Variants in SNCG observed in about 807,000 individuals in gnomAD.
The protein encoded by SNCG is synuclein gamma, also known as gamma-synuclein.
A neutral mutation model predicts 16.0 loss-of-function variants in SNCG; 13 were observed. That is an observed-to-expected ratio of 0.81 (90% confidence interval 0.53 to 1.29). SNCG has a LOEUF of 1.29. Among genes scored for constraint, SNCG ranks in the 50% most tolerant of loss-of-function variants. SNCG has a pLI of 0.00. For missense variants in SNCG, 154 were observed against 168.5 expected, an observed-to-expected ratio of 0.91 and a Z score of 0.48; for synonymous variants, 66 against 66.3, an observed-to-expected ratio of 1.00 and a Z score of 0.02.
intron 3 of SNCG, among the ~76,000 whole-genome samples, chr10:86,961,758 C>T (rs1173807635): frequency 1.3e-5 from 2 of 152,154 alleles, no homozygotes; most frequent in Non-Finnish European, 2.9e-5. Flanking sequence ...CTGCCCTGCC[C>T]CTGGATAGCC....
At chr10:86,957,371 C>T, upstream of SNCG, 1 of 1,612,778 alleles carries the variant, frequency 6.2e-7, no homozygotes, top group Middle Eastern at 1.9e-4. Context: ...GGTCCAGGCC[C>T]TCTTACCGTC....
upstream of SNCG, among the ~76,000 whole-genome samples, chr10:86,956,664 C>T (rs1260038122): frequency 6.6e-6 from 1 of 152,198 alleles, no homozygotes; most frequent in East Asian, 1.9e-4. Flanking sequence ...GTAAGTGGGG[C>T]TGTTGGAGGG....
rs372962355 is a variant in SNCG at position 86,959,517 on chromosome 10, A to G, written c.122-116A>G. 15 of 749,220 alleles carry G rather than the reference A, an allele frequency of 2.0e-5. No individual in the cohort carries two copies. Among genetic ancestry groups the G allele is most frequent in the East Asian group, 9.3e-5 (3 of 32,122 alleles). The allele number at this position is 749,220 out of a possible 1,614,324, so 46.4% of individuals were successfully genotyped here. A position where few individuals can be genotyped will look rare whatever the true frequency, so the allele number is the denominator to read the frequency against. ...CTGAAGGGGCCGCCGGCCCCCAGACACCATCCTTACCCCCCCACCGACCCC... is the reference window on the plus strand; with the variant it reads ...CTGAAGGGGCCGCCGGCCCCCAGACGCCATCCTTACCCCCCCACCGACCCC... On this transcript the variant is annotated intron_variant, in intron 1 of 4. Transcript: ENST00000372017. The surrounding 1 kb of genome is among the most constrained non-coding windows in gnomAD (Gnocchi z 4.3).
rs556786944 is a variant in SNCG at position 86,959,579 on chromosome 10, C to T, written c.122-54C>T. The T allele has an allele frequency of 3.9e-5, 61 of 1,553,852 alleles. 1 individual carries two copies. In the South Asian group the frequency reaches 6.0e-4, roughly 15 times the overall value. On this transcript the variant is annotated intron_variant, in intron 1 of 4. Transcript: ENST00000372017. This position sits in a 1 kb window ranked among gnomAD's most constrained non-coding sequence, Gnocchi z 4.3. Reference sequence around the variant, plus strand: ...AGCTGTTCTGTTGTGTTTGTCCTGACCGCCCCCAACACCTCGAGGGAGGTC... The same window carrying T: ...AGCTGTTCTGTTGTGTTTGTCCTGATCGCCCCCAACACCTCGAGGGAGGTC...
chr10:86,959,797 AC>A lies in SNCG; in HGVS notation c.163+127del. On this transcript the variant is annotated intron_variant, in intron 2 of 4. Transcript: ENST00000372017. This position sits in a 1 kb window ranked among gnomAD's most constrained non-coding sequence, Gnocchi z 4.3. ...CCAACTGGGGTCCCAAGCCCTACAG[AC>A]CCCTGCAGACCATGAGGCTAAACTA... The A allele has an allele frequency of 2.4e-6, 3 of 1,234,668 alleles. No individual in the cohort carries two copies. Among genetic ancestry groups the A allele is most frequent in the Non-Finnish European group, 3.4e-6 (3 of 895,508 alleles). 76.5% of individuals were successfully genotyped at this position (1,234,668 alleles called of 1,614,324 possible).
rs887501056 is a variant in SNCG, at chr10:86,959,532, C to T, written c.122-101C>T. Reference sequence around the variant, plus strand: ...GCCCCCAGACACCATCCTTACCCCCCCACCGACCCCACAGTTTGTCCAGCT... The same window carrying T: ...GCCCCCAGACACCATCCTTACCCCCTCACCGACCCCACAGTTTGTCCAGCT... On this transcript the variant is annotated intron_variant, in intron 1 of 4. Coordinates refer to ENST00000372017, the MANE Select transcript of SNCG (RefSeq NM_003087.3). The surrounding 1 kb of genome is among the most constrained non-coding windows in gnomAD (Gnocchi z 4.3). 2.0e-5 allele frequency: 21 copies of T among 1,050,820 alleles called. No homozygotes were observed. The highest frequency in any genetic ancestry group is 7.6e-5 in the Admixed American group (4 of 52,610). The allele number at this position is 1,050,820 out of a possible 1,614,324, so 65.1% of individuals were successfully genotyped here.
At chr10:86,962,723 G>T (rs1844378038) in intron 4 of SNCG, 48 bp downstream of exon 4, 7 of 1,455,824 alleles carry the variant, frequency 4.8e-6, no homozygotes, top group African/African-American at 1.4e-5. Flanking sequence ...CCTTGGTAGG[G>T]ACCCCATCCC....
At chr10:86,962,842 G>A (rs1844380239) in intron 4 of SNCG, 123 bp from the exon 5 acceptor site, 8 of 1,238,750 alleles carry the variant, frequency 6.5e-6, no homozygotes, top group Non-Finnish European at 9.1e-6. Flanking sequence ...ACCTGAGTGG[G>A]AGGTCCCCCC....
At chr10:86,957,306 G>C, upstream of SNCG, 2 of 1,507,956 alleles carry the variant, frequency 1.3e-6, no homozygotes, top group Admixed American at 1.7e-5. Flanking sequence ...GAGGTCTAGA[G>C]AGGCTCTGCT....
At chr10:86,958,140 G>A, upstream of SNCG, 1 of 985,292 alleles carries the variant, frequency 1.0e-6, no homozygotes, top group Non-Finnish European at 1.2e-6. Context: ...CATCCAGGAT[G>A]CTGGTGGGTA....
intron 4 of SNCG, 132 bp from the exon 5 acceptor site, chr10:86,962,833 C>A: frequency 8.3e-7 from 1 of 1,205,970 alleles, no homozygotes. Context: ...TAACCCTGAA[C>A]CTGAGTGGGA....
chr10:86,958,357 A>G (rs930773025), upstream of SNCG: 34 of 985,258 alleles, frequency 3.5e-5, no homozygotes, highest in African/African-American at 5.2e-4. Flanking sequence ...CAGTAAATGA[A>G]TGAGGGACAG....
chr10:86,957,366 A>G (rs1298248151), upstream of SNCG: 1 of 1,612,502 alleles, frequency 6.2e-7, no homozygotes, highest in South Asian at 1.1e-5. Context: ...GCCAAGGTCC[A>G]GGCCCTCTTA....
At chr10:86,956,143 C>T (rs1223668757), upstream of SNCG, among the ~76,000 whole-genome samples, 3 of 151,326 alleles carry the variant, frequency 2.0e-5, no homozygotes, top group Non-Finnish European at 3.0e-5. Flanking sequence ...GCCCCTCCCC[C>T]GCCCCCTGCT....
chr10:86,957,473 C>T (rs745597708), upstream of SNCG: 3 of 1,613,476 alleles, frequency 1.9e-6, no homozygotes, highest in East Asian at 6.7e-5. Flanking sequence ...TACTGGAAGC[C>T]TGGGCCCATG....
intron 3 of SNCG, among the ~76,000 whole-genome samples, chr10:86,960,781 C>A (rs1844334201): frequency 6.6e-6 from 1 of 152,146 alleles, no homozygotes; most frequent in Non-Finnish European, 1.5e-5. Context: ...TGGGGCGCAC[C>A]CCAGGGACGG....
At chr10:86,958,265 C>T, upstream of SNCG, 1 of 977,356 alleles carries the variant, frequency 1.0e-6, no homozygotes, top group Non-Finnish European at 1.2e-6. Context: ...CTCTCTGTGC[C>T]TGTCTGTCCA....
At chr10:86,957,967 TC>T (rs1844264514), upstream of SNCG, 6 of 1,022,726 alleles carry the variant, frequency 5.9e-6, no homozygotes, top group South Asian at 2.4e-4. Flanking sequence ...AATTCATGCC[TC>T]CTCAGCACCT....
chr10:86,962,693 G>C lies in SNCG; in HGVS notation c.363+18G>C, dbSNP rs781033832. 2 of 1,587,986 alleles carry C rather than the reference G, an allele frequency of 1.3e-6. No individual in the cohort carries two copies. The highest frequency in any genetic ancestry group is 1.7e-6 in the Non-Finnish European group (2 of 1,159,034). On this transcript the variant is annotated intron_variant, in intron 4 of 4. Transcript: ENST00000372017. ...CAGAGGAGGTAGGAGCTGGGCTCCT[G>C]GGGTGCACCATGGGGGGTTCCTTGG...
Sources: allele counts gnomAD v4.1 joint callset (sites outside exome capture counted in the v4.1 genomes callset), GRCh38; gene constraint gnomAD v4.1.1; non-coding constraint Gnocchi (gnomAD v3.1); transcripts MANE v1.5; gene names NCBI Gene and HGNC (gene_info 2026-07-23, HGNC 2026-07-21).